Variants in ATXN7L3 observed in about 807,000 individuals in gnomAD.
The protein encoded by ATXN7L3 is ataxin 7 like 3.
ATXN7L3 carries 6 observed loss-of-function variants against 50.0 expected under a neutral mutation model. That is an observed-to-expected ratio of 0.12 (90% CI 0.07 to 0.24). The LOEUF (loss-of-function observed/expected upper bound fraction) is 0.24, where lower values mean the gene tolerates loss of function less well. Among genes scored for constraint, ATXN7L3 ranks in the 10% least tolerant of loss-of-function variants. The pLI is 1.00. For missense variants in ATXN7L3, 322 were observed against 451.3 expected (o/e 0.71, Z 2.60); for synonymous variants, 198 against 165.8 (o/e 1.19, Z -1.49).
rs370240203 is a variant in ATXN7L3 at position 44,194,117 on chromosome 17, C to T, written c.*146G>A. 9.5e-5 allele frequency: 101 copies of T among 1,058,270 alleles called. No homozygotes were observed. The African/African-American group carries it at 1.1e-3, about 12-fold the overall frequency. 65.6% of individuals were successfully genotyped at this position (1,058,270 alleles called of 1,614,324 possible). On this transcript the variant is annotated 3_prime_UTR_variant, in exon 13 of 13. Transcript: ENST00000587097. ...AGAGGACTTTGACACCCCCCAGGGGCGCATAATCGGATCCTCTGCCTGCCT... is the reference window on the plus strand; with the variant it reads ...AGAGGACTTTGACACCCCCCAGGGGTGCATAATCGGATCCTCTGCCTGCCT...
At chr17:44,196,898 GC>G (rs781016294) in intron 5 of ATXN7L3, 30 bp downstream of exon 5, 13 of 1,536,944 alleles carry the variant, frequency 8.5e-6, no homozygotes, top group African/African-American at 1.4e-5. Context: ...TCATCCCAAT[GC>G]CCCCCGGGTT....
In ATXN7L3 at chr17:44,191,812, G is replaced by A. The variant is rs1044053528; in HGVS notation, c.*2451C>T. On this transcript the variant is annotated 3_prime_UTR_variant, in exon 13 of 13. Coordinates refer to ENST00000587097, the MANE Select transcript of ATXN7L3 (RefSeq NM_001382309.1). ...GAGTAGGTAGGCCGGGGCTACCAAC[G>A]GGAGATGCAGTTTATTTACACCAGC... The A allele has an allele frequency of 2.1e-5, 18 of 854,392 alleles. No homozygotes were observed. Among genetic ancestry groups the A allele is most frequent in the East Asian group, 1.2e-4 (1 of 8,160 alleles). The allele number at this position is 854,392 out of a possible 1,614,324, so 52.9% of individuals were successfully genotyped here. A position where few individuals can be genotyped will look rare whatever the true frequency, so the allele number is the denominator to read the frequency against.
At position 44,191,880 on chromosome 17, in the gene ATXN7L3, C is replaced by A; in HGVS notation, c.*2383G>T. 1 of 308,216 alleles carries A rather than the reference C, an allele frequency of 3.2e-6. No homozygotes were observed. Among genetic ancestry groups the A allele is most frequent in the Non-Finnish European group, 4.7e-6 (1 of 210,934 alleles). 19.1% of individuals were successfully genotyped at this position (308,216 alleles called of 1,614,324 possible). On this transcript the variant is annotated 3_prime_UTR_variant, in exon 13 of 13. Transcript: ENST00000587097. The stretch of plus-strand genomic sequence containing the variant: ...GAATACACAGCGTTTACAAAGTTAG[C>A]TACCTGTACAGAATGGATTACATAT...
intron 12 of ATXN7L3, 37 bp from the exon 13 acceptor site, chr17:44,194,448 T>C: frequency 6.2e-7 from 1 of 1,613,588 alleles, no homozygotes; most frequent in South Asian, 1.1e-5. Flanking sequence ...AGAGTATGGT[T>C]ATGGCAGGAG....
chr17:44,196,510 T>A (rs1469150400), intron 5 of ATXN7L3, 92 bp from the exon 6 acceptor site: 19 of 1,539,860 alleles, frequency 1.2e-5, no homozygotes, highest in Non-Finnish European at 1.4e-5. Context: ...CTGGGCACGG[T>A]GGCTCATGCC....
chr17:44,197,615 T>A lies in ATXN7L3; in HGVS notation c.167A>T (p.Asp56Val), dbSNP rs2055960444. 1 of 1,614,242 alleles carries A rather than the reference T, an allele frequency of 6.2e-7. No homozygotes were observed. Among genetic ancestry groups the A allele is most frequent in the East Asian group, 2.2e-5 (1 of 44,894 alleles). The change falls in exon 3 of 13, where the codon GAT (aspartate) becomes GTT (valine). Residue 56 changes from aspartate (D) to valine (V), a missense_variant. By Grantham distance (152) the Asp-to-Val change is radical. Around this residue, in one of 5 missense-constraint regions of ATXN7L3, gnomAD observed 48 missense variants for 134.6 expected, o/e 0.36. Transcript: ENST00000587097. ...AAGCTCACCAAAATCCTTCATGCTA[T>A]CAGGGTCCGTGTCGTCCAAGAAGAA... ...GYFFLDDTDP[D>V]SMKDFEIVDQ... is the part of the protein sequence containing the mutation.
Position 44,195,405 on chromosome 17 carries a change from T to G in ATXN7L3, c.621+14A>C. 6.2e-7 allele frequency: 1 copy of G among 1,612,770 alleles called. No individual in the cohort carries two copies. Among genetic ancestry groups the G allele is most frequent in the Non-Finnish European group, 8.5e-7 (1 of 1,178,758 alleles). On this transcript the variant is annotated intron_variant, in intron 9 of 12. Coordinates refer to ENST00000587097, the MANE Select transcript of ATXN7L3 (RefSeq NM_001382309.1). Reference sequence around the variant, plus strand: ...CACTCCCAGGGACCTTCTCTCTTGCTGGTCCTCCCTCACCGTGGTTAGCAG... The same window carrying G: ...CACTCCCAGGGACCTTCTCTCTTGCGGGTCCTCCCTCACCGTGGTTAGCAG...
rs1310560829 is a variant in ATXN7L3, at chr17:44,198,236, T to C, written c.-60-106A>G. 21 of 652,352 alleles carry C rather than the reference T, an allele frequency of 3.2e-5. No individual in the cohort carries two copies. In the Admixed American group the frequency reaches 5.7e-4, roughly 18 times the overall value. The allele number at this position is 652,352 out of a possible 1,614,324, so 40.4% of individuals were successfully genotyped here. The stretch of plus-strand genomic sequence containing the variant: ...CCAAAGCTCAGTCCTGGCATCAGGG[T>C]CTCTCCCTCCCCAAGGCCCAGGCTC... On this transcript the variant is annotated intron_variant, in intron 1 of 12. Coordinates refer to ENST00000587097, the MANE Select transcript of ATXN7L3 (RefSeq NM_001382309.1).
At chr17:44,194,980 AG>A (rs2055830657) in intron 10 of ATXN7L3, 116 bp downstream of exon 10, 1 of 1,457,046 alleles carries the variant, frequency 6.9e-7, no homozygotes, top group Non-Finnish European at 9.6e-7. Flanking sequence ...CCTCATCATT[AG>A]AGGAGGGAAG....
chr17:44,195,041 T>C (rs1246046072), intron 10 of ATXN7L3, 56 bp downstream of exon 10: 1 of 1,594,784 alleles, frequency 6.3e-7, no homozygotes, highest in African/African-American at 1.3e-5. Context: ...TCCCAACCCA[T>C]GCCCATGGTG....
chr17:44,192,279 C>A lies in ATXN7L3; in HGVS notation c.*1984G>T, dbSNP rs551611835. ...CCTGCTGGACCAAGCCCATCTCTTA[C>A]CCAGCCTGGGCAGGGGGCTCTGCCC... On this transcript the variant is annotated 3_prime_UTR_variant, in exon 13 of 13. Transcript: ENST00000587097. 6.6e-6 allele frequency: 1 copy of A among 152,362 alleles called. No individual in the cohort carries two copies. Among genetic ancestry groups the A allele is most frequent in the African/African-American group, 2.4e-5 (1 of 41,566 alleles). 9.4% of individuals were successfully genotyped at this position (152,362 alleles called of 1,614,324 possible).
At chr17:44,199,378 G>A (rs1214527463) in intron 1 of ATXN7L3, 118 bp downstream of exon 1, 1 of 150,412 alleles carries the variant, frequency 6.6e-6, no homozygotes, top group African/African-American at 2.4e-5. Context: ...CCGGGGGGAG[G>A]GGAAGGGGCG....
At position 44,194,523 on chromosome 17, in the gene ATXN7L3, C is replaced by T. The variant is rs1398214396; in HGVS notation, c.889G>A (p.Gly297Ser). The T allele has an allele frequency of 6.2e-7, 1 of 1,613,632 alleles. No individual in the cohort carries two copies. Among genetic ancestry groups the T allele is most frequent in the East Asian group, 2.2e-5 (1 of 44,878 alleles). The change falls in exon 12 of 13, where the codon GGT becomes AGT. Residue 297 changes from glycine to serine, a missense_variant. By Grantham distance (56) the Gly-to-Ser change is moderately conservative. Coordinates refer to ENST00000587097, the MANE Select transcript of ATXN7L3 (RefSeq NM_001382309.1). ...SSKTSENQGW[G>S]LGTNSSESRK... ...GCCCAACTGCATCACGTACCTAGAC[C>T]CCATCCCTGATTTTCACTCGTCTTG...
rs1199181020 is a variant in ATXN7L3, at chr17:44,193,674, TGGC to T, written c.*586_*588del. 6.6e-6 allele frequency: 1 copy of T among 152,414 alleles called. No individual in the cohort carries two copies. Among genetic ancestry groups the T allele is most frequent in the African/African-American group, 2.4e-5 (1 of 41,408 alleles). 9.4% of individuals were successfully genotyped at this position (152,414 alleles called of 1,614,324 possible). On this transcript the variant is annotated 3_prime_UTR_variant, in exon 13 of 13. Coordinates refer to ENST00000587097, the MANE Select transcript of ATXN7L3 (RefSeq NM_001382309.1). ...CTGCCCCTGTGAGGGGCAGGGAAGG[TGGC>T]GGCAGTTCTGGACGCCCACCTCAGC... is the stretch of plus-strand genomic sequence containing the variant.
chr17:44,191,866 G>A lies in ATXN7L3; in HGVS notation c.*2397C>T, dbSNP rs1175741065. 2 of 390,200 alleles carry A rather than the reference G, an allele frequency of 5.1e-6. No homozygotes were observed. Among genetic ancestry groups the A allele is most frequent in the Non-Finnish European group, 7.0e-6 (2 of 286,350 alleles). 24.2% of individuals were successfully genotyped at this position (390,200 alleles called of 1,614,324 possible). A position where few individuals can be genotyped will look rare whatever the true frequency, so the allele number is the denominator to read the frequency against. ...CATGGGGGCAGAGGGAATACACAGC[G>A]TTTACAAAGTTAGCTACCTGTACAG... On this transcript the variant is annotated 3_prime_UTR_variant, in exon 13 of 13. Transcript: ENST00000587097.
chr17:44,197,179 C>A, intron 4 of ATXN7L3, 49 bp downstream of exon 4: 1 of 1,572,866 alleles, frequency 6.4e-7, no homozygotes. Context: ...CCCCGGGGGA[C>A]TACACCATGG....
Position 44,196,429 on chromosome 17 carries a change from CA to C in ATXN7L3, c.455-12del, listed in dbSNP as rs751565497. The C allele has an allele frequency of 8.7e-6, 14 of 1,613,864 alleles. No individual in the cohort carries two copies. Among genetic ancestry groups the C allele is most frequent in the Non-Finnish European group, 1.2e-5 (14 of 1,179,988 alleles). Reference sequence around the variant, plus strand: ...ACTTTCTCTTCTTGGCTGTGGGAAACAAAAGCATAAAGAGCAGGGTTTCCGT... The same window carrying C: ...ACTTTCTCTTCTTGGCTGTGGGAAACAAAGCATAAAGAGCAGGGTTTCCGT... On this transcript the variant is annotated splice_polypyrimidine_tract_variant and intron_variant, in intron 5 of 12. Coordinates refer to ENST00000587097, the MANE Select transcript of ATXN7L3 (RefSeq NM_001382309.1).
Position 44,197,892 on chromosome 17 carries a change from T to C in ATXN7L3, c.51+128A>G, listed in dbSNP as rs1342049015. The C allele has an allele frequency of 8.6e-6, 13 of 1,512,312 alleles. No homozygotes were observed. The Admixed American group carries it at 2.4e-4, about 28-fold the overall frequency. 93.7% of individuals were successfully genotyped at this position (1,512,312 alleles called of 1,614,324 possible). Reference sequence around the variant, plus strand: ...TTTCTTCTTCCTGGATCCTTGGCTTTTTCAGCTGGCTATTCCCTTTAAGGA... The same window carrying C: ...TTTCTTCTTCCTGGATCCTTGGCTTCTTCAGCTGGCTATTCCCTTTAAGGA... On this transcript the variant is annotated intron_variant, in intron 2 of 12. Coordinates refer to ENST00000587097, the MANE Select transcript of ATXN7L3 (RefSeq NM_001382309.1).
intron 9 of ATXN7L3, 66 bp downstream of exon 9, chr17:44,195,353 C>A: frequency 6.6e-7 from 1 of 1,526,112 alleles, no homozygotes; most frequent in Non-Finnish European, 9.1e-7. Context: ...TCCTCCCAGG[C>A]CTTGACCACT....
Sources: allele counts gnomAD v4.1 joint callset, GRCh38; gene constraint gnomAD v4.1.1; regional missense constraint gnomAD v4.1.1; transcripts MANE v1.5; gene names NCBI Gene and HGNC (gene_info 2026-07-23, HGNC 2026-07-21).